Variants in MYH14 observed in about 807,000 individuals in gnomAD.
MYH14 encodes the protein myosin-14.
Under a neutral mutation model 255.5 loss-of-function variants are expected in MYH14, and 123 were observed. That is an observed-to-expected ratio of 0.48 (90% CI 0.42 to 0.56). The LOEUF is 0.56. MYH14 is among the 20% of genes least tolerant of loss of function. MYH14 has a pLI of 0.00. For missense variants in MYH14, 2,423 were observed against 2,802.3 expected (o/e 0.86, Z 3.06); for synonymous variants, 1,095 against 1,161.2 (o/e 0.94, Z 1.16).
rs1441046854 is a variant in MYH14 at position 50,276,009 on chromosome 19, G to T, written c.3486G>T (p.Gly1162=). 1 of 1,612,674 alleles carries T rather than the reference G, an allele frequency of 6.2e-7. No individual in the cohort carries two copies. The highest frequency in any genetic ancestry group is 1.7e-5 in the Admixed American group (1 of 59,956). ...AALARAEDEG[G]ARAQLLKSLR... The stretch of plus-strand genomic sequence containing the variant: ...CCCCCAGGGCAGAAGACGAGGGTGG[G>T]GCCCGGGCCCAGCTGCTGAAATCCC... Residue 1162 remains glycine, a synonymous_variant, in exon 28 of 43, where the codon GGG becomes GGT. Coordinates refer to ENST00000642316, the MANE Select transcript of MYH14 (RefSeq NM_001145809.2). This position sits in a 1 kb window ranked among gnomAD's most constrained non-coding sequence, Gnocchi z 4.3.
chr19:50,226,611 C>T (rs1230044978), intron 7 of MYH14, among the ~76,000 whole-genome samples: 1 of 140,246 alleles, frequency 7.1e-6, no homozygotes, highest in Admixed American at 7.0e-5. Context: ...AGTGCAGGCC[C>T]GGATCCCTGG....
At chr19:50,205,247 C>A (rs975506814) in intron 1 of MYH14, among the ~76,000 whole-genome samples, 24 of 152,218 alleles carry the variant, frequency 1.6e-4, no homozygotes, top group African/African-American at 5.8e-4. Context: ...GAATCCTCAG[C>A]CTTCTCCGCG....
Position 50,278,093 on chromosome 19 carries a change from C to A in MYH14, c.3836C>A (p.Ala1279Glu). ...TCCTTCCCACACCAGGGCAAAGGTG[C>A]ATGGGAGAAGACCCGGCTGGCCCTG... ...QLEQARRGKG[A>E]WEKTRLALEA... The change falls in exon 30 of 43, where the codon GCA becomes GAA. Residue 1279 changes from alanine (A) to glutamate (E), a missense_variant. Coordinates refer to ENST00000642316, the MANE Select transcript of MYH14 (RefSeq NM_001145809.2). 6.3e-7 allele frequency: 1 copy of A among 1,583,784 alleles called. No individual in the cohort carries two copies. Among genetic ancestry groups the A allele is most frequent in the Non-Finnish European group, 8.6e-7 (1 of 1,159,632 alleles).
At chr19:50,228,017 C>T (rs1374771210) in intron 8 of MYH14, among the ~76,000 whole-genome samples, 1 of 152,198 alleles carries the variant, frequency 6.6e-6, no homozygotes, top group Non-Finnish European at 1.5e-5. Context: ...GGCACGGTGG[C>T]TCATGCTTGT....
At chr19:50,242,820 C>T (rs1039956251) in intron 10 of MYH14, among the ~76,000 whole-genome samples, 1 of 152,166 alleles carries the variant, frequency 6.6e-6, no homozygotes, top group African/African-American at 2.4e-5. Context: ...CAGCTCACAT[C>T]AGACAGGGGT....
In MYH14 at chr19:50,301,684, G is replaced by C; in HGVS notation, c.5493G>C (p.Leu1831=). 2 of 1,613,734 alleles carry C rather than the reference G, an allele frequency of 1.2e-6. No individual in the cohort carries two copies. The highest frequency in any genetic ancestry group is 1.7e-6 in the Non-Finnish European group (2 of 1,179,720). ...AGGTAGAGTCACTGACCACAGAGCT[G>C]TCAGCTGAGCGCAGTTTCTCAGCCA... ...LLQVESLTTE[L]SAERSFSAKA... is the part of the protein sequence containing the mutation. The change falls in exon 40 of 43, where the codon CTG becomes CTC. Residue 1831 remains leucine, a synonymous_variant. Coordinates refer to ENST00000642316, the MANE Select transcript of MYH14 (RefSeq NM_001145809.2).
rs541475110 is a variant in MYH14, at chr19:50,253,477, T to G, written c.1945+724T>G. Among the ~76,000 whole-genome samples, 15 of 152,094 alleles carry G rather than the reference T, an allele frequency of 9.9e-5. No homozygotes were observed. In the East Asian group the frequency reaches 2.5e-3, roughly 25 times the overall value. ...AAAAAAATTCTACTGAGAAATAATT[T>G]ATAACAATAAGAGAACACAGAATGA... On this transcript the variant is annotated intron_variant, in intron 16 of 42. Coordinates refer to ENST00000642316, the MANE Select transcript of MYH14 (RefSeq NM_001145809.2).
At chr19:50,273,290 CAAAAAAAAAA>C (rs778739770) in intron 27 of MYH14, among the ~76,000 whole-genome samples, 4 of 78,650 alleles carry the variant, frequency 5.1e-5, no homozygotes, top group African/African-American at 2.1e-4. Context: ...GACTATGTCT[CAAAAAAAAAA>C]AAAAAAAAAA....
chr19:50,260,827 G>GTA, intron 20 of MYH14, 112 bp downstream of exon 20: 2 of 786,054 alleles, frequency 2.5e-6, no homozygotes, highest in Middle Eastern at 2.3e-4. Context: ...GTGCAAGTGT[G>GTA]TGTGCATGCA....
Position 50,269,651 on chromosome 19 carries a change from G to A in MYH14, c.3033+1284G>A, listed in dbSNP as rs534513741. Among the ~76,000 whole-genome samples, 3 of 152,354 alleles carry A rather than the reference G, an allele frequency of 2.0e-5. No individual in the cohort carries two copies. In the South Asian group the frequency reaches 6.2e-4, roughly 32 times the overall value. ...TTGCCCTCAAGAGCAGAGTGAACAA[G>A]CAGGGGCTGTGGGAAACAGGCTTTG... On this transcript the variant is annotated intron_variant, in intron 24 of 42. Transcript: ENST00000642316.
chr19:50,252,766 T>C lies in MYH14; in HGVS notation c.1945+13T>C. Reference sequence around the variant, plus strand: ...ATCTGGAAAGACGGTGAGGACCCACTTCCCCCACCCCGGCTCTAGGGGTCT... The same window carrying C: ...ATCTGGAAAGACGGTGAGGACCCACCTCCCCCACCCCGGCTCTAGGGGTCT... On this transcript the variant is annotated intron_variant, in intron 16 of 42. Transcript: ENST00000642316. The surrounding 1 kb of genome is among the most constrained non-coding windows in gnomAD (Gnocchi z 4.2). 6.5e-7 allele frequency: 1 copy of C among 1,546,056 alleles called. No individual in the cohort carries two copies.
At chr19:50,274,886 G>A (rs2035447263) in intron 27 of MYH14, among the ~76,000 whole-genome samples, 2 of 150,170 alleles carry the variant, frequency 1.3e-5, no homozygotes, top group African/African-American at 4.9e-5. Flanking sequence ...AGCTATGATT[G>A]TGCCACTGCA....
rs778817687 is a variant in MYH14, at chr19:50,293,647, C to T, written c.5429C>T (p.Ser1810Leu). 2.5e-6 allele frequency: 4 copies of T among 1,608,298 alleles called. No individual in the cohort carries two copies. Among genetic ancestry groups the T allele is most frequent in the East Asian group, 2.2e-5 (1 of 44,814 alleles). ...EEELEEEQSN[S>L]ELLNDRYRKL... is the part of the protein sequence containing the mutation. ...GAGCTGGAGGAGGAGCAGAGCAACT[C>T]GGAGCTGCTCAATGACCGCTACCGC... The change falls in exon 39 of 43, where the codon TCG (serine) becomes TTG (leucine). Residue 1810 changes from serine (S) to leucine (L), a missense_variant. Ser to Leu is a moderately radical substitution (Grantham distance 145). Transcript: ENST00000642316. This position sits in a 1 kb window ranked among gnomAD's most constrained non-coding sequence, Gnocchi z 4.1.
intron 6 of MYH14, among the ~76,000 whole-genome samples, chr19:50,225,096 A>C (rs1315065877): frequency 6.6e-6 from 1 of 152,230 alleles, no homozygotes; most frequent in Non-Finnish European, 1.5e-5. Flanking sequence ...CAAGCAACAC[A>C]TGAGTACATA....
At chr19:50,295,918 C>T (rs1388413881) in intron 39 of MYH14, among the ~76,000 whole-genome samples, 3 of 152,036 alleles carry the variant, frequency 2.0e-5, no homozygotes, top group Admixed American at 2.0e-4. Context: ...CAAGACCAGC[C>T]TGGCCAACAT....
Position 50,290,610 on chromosome 19 carries a change from G to A in MYH14, c.4966-277G>A, listed in dbSNP as rs528260178. On this transcript the variant is annotated intron_variant, in intron 35 of 42. Coordinates refer to ENST00000642316, the MANE Select transcript of MYH14 (RefSeq NM_001145809.2). ...AAGACTTGGCCCTGGGGGCACTGGG[G>A]AACCATGGGAGGGCTATGAGCAGGA... 2.6e-5 allele frequency among the ~76,000 whole-genome samples: 4 copies of A among 152,308 alleles called. No homozygotes were observed. In the South Asian group the frequency reaches 8.3e-4, roughly 32 times the overall value.
At chr19:50,247,428 C>T (rs1052712009) in intron 12 of MYH14, among the ~76,000 whole-genome samples, 8 of 151,522 alleles carry the variant, frequency 5.3e-5, no homozygotes, top group South Asian at 2.1e-4. Flanking sequence ...TGCTTGAGCC[C>T]GGGAGTTTGA....
At chr19:50,281,305 C>T (rs2035708257) in intron 32 of MYH14, among the ~76,000 whole-genome samples, 1 of 152,196 alleles carries the variant, frequency 6.6e-6, no homozygotes, top group Non-Finnish European at 1.5e-5. Context: ...TAACCCCTAT[C>T]ACCCTGGCTG....
At chr19:50,284,416 G>A (rs1220477555) in intron 33 of MYH14, among the ~76,000 whole-genome samples, 14 of 152,090 alleles carry the variant, frequency 9.2e-5, no homozygotes, top group Admixed American at 9.2e-4. Flanking sequence ...GCCCGGGCTG[G>A]AGTGCAGTGG....
Sources: allele counts gnomAD v4.1 joint callset (sites outside exome capture counted in the v4.1 genomes callset), GRCh38; gene constraint gnomAD v4.1.1; non-coding constraint Gnocchi (gnomAD v3.1); transcripts MANE v1.5; gene names NCBI Gene and HGNC (gene_info 2026-07-23, HGNC 2026-07-21).